The following PLEKHG3 variants were observed in gnomAD, a reference collection of about 807,000 sequenced individuals.
PLEKHG3 encodes pleckstrin homology domain-containing family G member 3.
In PLEKHG3, 62 loss-of-function variants were observed where a neutral mutation model predicts 94.9. The ratio of observed to expected loss-of-function variants is 0.65; its 90% CI spans 0.53 to 0.81. The LOEUF (loss-of-function observed/expected upper bound fraction) is 0.81, where lower values mean the gene tolerates loss of function less well. Ranked by LOEUF, PLEKHG3 falls within the 30% of genes least tolerant of loss-of-function variation. PLEKHG3 has a pLI of 0.00. For missense variants in PLEKHG3, 1,461 were observed against 1,619.3 expected, an observed-to-expected ratio of 0.90 and a Z score of 1.68; for synonymous variants, 614 against 654.0, an observed-to-expected ratio of 0.94 and a Z score of 0.93.
In PLEKHG3 at chr14:64,704,427, C is replaced by CCCTCGCTT. The variant is rs1486108795; in HGVS notation, c.-310_-309insTCCTCGCT. 3 of 164,410 alleles carry CCCTCGCTT rather than the reference C, an allele frequency of 1.8e-5. No individual in the cohort carries two copies. The highest frequency in any genetic ancestry group is 7.2e-5 in the African/African-American group (3 of 41,654). 10.2% of individuals were successfully genotyped at this position (164,410 alleles called of 1,614,324 possible). ...TCCCTCGCTCCCTCGCTCCCTCGCT[C>CCCTCGCTT]CCTCGCTCCCTCGCTCCCTCCTGCC... On this transcript the variant is annotated 5_prime_UTR_variant, in exon 1 of 17. Transcript: ENST00000247226. This position sits in a 1 kb window ranked among gnomAD's most constrained non-coding sequence, Gnocchi z 5.6.
chr14:64,738,260 T>A lies in PLEKHG3; in HGVS notation c.1405-482T>A. 8.0e-7 allele frequency: 1 copy of A among 1,252,060 alleles called. No individual in the cohort carries two copies. Among genetic ancestry groups the A allele is most frequent in the Non-Finnish European group, 1.0e-6 (1 of 957,290 alleles). The allele number at this position is 1,252,060 out of a possible 1,614,324, so 77.6% of individuals were successfully genotyped here. ...TCTTCGATCTCCCCTCCTCCTTGCA[T>A]GCTCCCTGGGATGTGCATGCCCACC... On this transcript the variant is annotated intron_variant, in intron 14 of 16. Transcript: ENST00000247226. This position sits in a 1 kb window ranked among gnomAD's most constrained non-coding sequence, Gnocchi z 4.8.
In PLEKHG3 at chr14:64,741,748, A is replaced by G. The variant is rs772771207; in HGVS notation, c.2231A>G (p.Tyr744Cys). The change falls in exon 16 of 17, where the codon TAC (tyrosine) becomes TGC (cysteine). Residue 744 changes from tyrosine (Y) to cysteine (C), a missense_variant. Tyr to Cys is a radical substitution (Grantham distance 194). Around this residue, in one of 3 missense-constraint regions of PLEKHG3, gnomAD observed 1,201 missense variants for 1,295.5 expected, o/e 0.93. Coordinates refer to ENST00000247226, the MANE Select transcript of PLEKHG3 (RefSeq NM_001308147.2). Reference sequence around the variant, plus strand: ...GTCCGTCGCCGGGAGAGCCTCTCCTACATCCCCAAAGGACTGGTAAGAAAC... The same window carrying G: ...GTCCGTCGCCGGGAGAGCCTCTCCTGCATCCCCAAAGGACTGGTAAGAAAC... ...FSVRRRESLS[Y>C]IPKGLVRNSI... 3 of 1,613,156 alleles carry G rather than the reference A, an allele frequency of 1.9e-6. No individual in the cohort carries two copies. The East Asian group carries it at 6.7e-5, about 36-fold the overall frequency.
intron 1 of PLEKHG3, among the ~76,000 whole-genome samples, chr14:64,710,959 T>C (rs1295486990): frequency 6.6e-6 from 1 of 152,162 alleles, no homozygotes; most frequent in Admixed American, 6.5e-5. Context: ...TTCCCTTGAC[T>C]CTGTTTAGGA....
At chr14:64,709,451 C>A (rs1420848405) in intron 1 of PLEKHG3, among the ~76,000 whole-genome samples, 1 of 152,194 alleles carries the variant, frequency 6.6e-6, no homozygotes, top group Non-Finnish European at 1.5e-5. Flanking sequence ...AGGACTTGCA[C>A]TCTCTTTCAT....
In PLEKHG3 at chr14:64,741,069, G is replaced by C. The variant is rs1338010396; in HGVS notation, c.1552G>C (p.Glu518Gln). The C allele has an allele frequency of 3.1e-6, 5 of 1,605,590 alleles. No homozygotes were observed. The East Asian group carries it at 9.0e-5, about 29-fold the overall frequency. ...EPDPEAGSEQ[E>Q]VFSAVEGPSA... Reference sequence around the variant, plus strand: ...GGACCCTGAGGCTGGGAGTGAGCAAGAGGTATTTTCTGCTGTGGAAGGGCC... The same window carrying C: ...GGACCCTGAGGCTGGGAGTGAGCAACAGGTATTTTCTGCTGTGGAAGGGCC... Residue 518 changes from glutamate (E) to glutamine (Q), a missense_variant, in exon 16 of 17, where the codon GAG becomes CAG. Coordinates refer to ENST00000247226, the MANE Select transcript of PLEKHG3 (RefSeq NM_001308147.2).
At chr14:64,735,268 C>G (rs7160627) in intron 12 of PLEKHG3, among the ~76,000 whole-genome samples, 5,552 of 152,192 alleles carry the variant, frequency 0.036, 347 homozygotes, top group African/African-American at 0.12. Context: ...TTTCATTGGT[C>G]TAAGTATGCT....
intron 1 of PLEKHG3, among the ~76,000 whole-genome samples, chr14:64,724,151 G>A (rs1044286901): frequency 6.6e-6 from 1 of 152,034 alleles, no homozygotes; most frequent in Admixed American, 6.5e-5. Context: ...CACTTTAACT[G>A]TCTCTGTGGG....
At position 64,728,932 on chromosome 14, in the gene PLEKHG3, G is replaced by A; in HGVS notation, c.352-64G>A. On this transcript the variant is annotated intron_variant, in intron 2 of 16. Coordinates refer to ENST00000247226, the MANE Select transcript of PLEKHG3 (RefSeq NM_001308147.2). This position sits in a 1 kb window ranked among gnomAD's most constrained non-coding sequence, Gnocchi z 5.9. ...TACAGCAGGGCCGAAACGAGGTGTG[G>A]CTAGGGAAGGTAGTGGGCAGGGTTG... The A allele has an allele frequency of 1.5e-6, 1 of 652,372 alleles. No individual in the cohort carries two copies. Among genetic ancestry groups the A allele is most frequent in the Non-Finnish European group, 2.7e-6 (1 of 363,864 alleles). The allele number at this position is 652,372 out of a possible 1,614,324, so 40.4% of individuals were successfully genotyped here. A position where few individuals can be genotyped will look rare whatever the true frequency, so the allele number is the denominator to read the frequency against.
At chr14:64,729,926 C>T (rs1394421168) in intron 3 of PLEKHG3, among the ~76,000 whole-genome samples, 1 of 152,218 alleles carries the variant, frequency 6.6e-6, no homozygotes. Context: ...CTTTAATCCT[C>T]TGCTTTTGTG....
chr14:64,732,937 C>G lies in PLEKHG3; in HGVS notation c.1345+36C>G. The stretch of plus-strand genomic sequence containing the variant: ...GGCTGTGGAGGCAGGAGGCCTCTCC[C>G]TCACACCCTTGCCCAGACTGGGGAC... On this transcript the variant is annotated intron_variant, in intron 12 of 16. Transcript: ENST00000247226. This position sits in a 1 kb window ranked among gnomAD's most constrained non-coding sequence, Gnocchi z 4.9. 6.0e-6 allele frequency: 8 copies of G among 1,326,244 alleles called. No individual in the cohort carries two copies. The highest frequency in any genetic ancestry group is 8.6e-6 in the Non-Finnish European group (8 of 934,004). 82.2% of individuals were successfully genotyped at this position (1,326,244 alleles called of 1,614,324 possible).
At position 64,715,995 on chromosome 14, in the gene PLEKHG3, C is replaced by G. The variant is rs931794306; in HGVS notation, c.-40+11291C>G. On this transcript the variant is annotated intron_variant, in intron 1 of 16. Coordinates refer to ENST00000247226, the MANE Select transcript of PLEKHG3 (RefSeq NM_001308147.2). This position sits in a 1 kb window ranked among gnomAD's most constrained non-coding sequence, Gnocchi z 4.4. ...GTGGCAGCTCGCTGCTCACCCCAAG[C>G]CTGTTAACTGCTAGGTTGCCGGTGC... 1.5e-4 allele frequency: 67 copies of G among 455,528 alleles called. No individual in the cohort carries two copies. The highest frequency in any genetic ancestry group is 1.2e-3 in the African/African-American group (62 of 50,176). 28.2% of individuals were successfully genotyped at this position (455,528 alleles called of 1,614,324 possible).
intron 12 of PLEKHG3, among the ~76,000 whole-genome samples, chr14:64,733,153 C>CT (rs1183766243): frequency 3.4e-5 from 5 of 147,434 alleles, no homozygotes; most frequent in African/African-American, 1.3e-4. Flanking sequence ...CTTTTCTTTT[C>CT]TTTTCTTTTT....
chr14:64,743,553 G>A lies in PLEKHG3; in HGVS notation c.3510G>A (p.Pro1170=), dbSNP rs774358730. The change falls in exon 17 of 17, where the codon CCG becomes CCA. Residue 1170 remains proline, a synonymous_variant. Coordinates refer to ENST00000247226, the MANE Select transcript of PLEKHG3 (RefSeq NM_001308147.2). This position sits in a 1 kb window ranked among gnomAD's most constrained non-coding sequence, Gnocchi z 7.2. ...GCAGTGGCCAGGGACCAAGCTCACC[G>A]GTGGCCCTGCTGGGGCAGGTTCAGG... ...EESSGQGPSS[P]VALLGQVQDF... is the part of the protein sequence containing the mutation. The A allele has an allele frequency of 1.9e-5, 31 of 1,612,810 alleles. No individual in the cohort carries two copies. Among genetic ancestry groups the A allele is most frequent in the African/African-American group, 1.2e-4 (9 of 74,926 alleles).
At position 64,732,069 on chromosome 14, in the gene PLEKHG3, G is replaced by T; in HGVS notation, c.1126-26G>T. ...TTCAGGCCTGTAATGATAACCACTG[G>T]GTCCCTTTCCCTTGGGTCCTCCCAG... On this transcript the variant is annotated intron_variant, in intron 9 of 16. Coordinates refer to ENST00000247226, the MANE Select transcript of PLEKHG3 (RefSeq NM_001308147.2). This position sits in a 1 kb window ranked among gnomAD's most constrained non-coding sequence, Gnocchi z 4.9. 1 of 1,534,916 alleles carries T rather than the reference G, an allele frequency of 6.5e-7. No homozygotes were observed. Among genetic ancestry groups the T allele is most frequent in the South Asian group, 1.1e-5 (1 of 89,464 alleles).
intron 3 of PLEKHG3, among the ~76,000 whole-genome samples, chr14:64,729,297 GGTTGTGTGCAT>G (rs2081412511): frequency 6.6e-6 from 1 of 152,172 alleles, no homozygotes; most frequent in African/African-American, 2.4e-5. Context: ...GGTAATTTGA[GGTTGTGTGCAT>G]GTTGGGTCCA....
chr14:64,740,521 T>A (rs2081664947), intron 15 of PLEKHG3, among the ~76,000 whole-genome samples: 1 of 152,216 alleles, frequency 6.6e-6, no homozygotes, highest in Admixed American at 6.5e-5. Context: ...TAGACCCTAA[T>A]CCACATGGGA....
chr14:64,716,459 C>CACACACACAACACACACACACACA lies in PLEKHG3; in HGVS notation c.-39-11127_-39-11126insCAACACACACACACACAACACACA, dbSNP rs1566693822. 5.5e-4 allele frequency among the ~76,000 whole-genome samples: 67 copies of CACACACACAACACACACACACACA among 121,436 alleles called. 1 individual carries two copies. The South Asian group carries it at 0.017, about 31-fold the overall frequency. 79.7% of individuals were successfully genotyped at this position (121,436 alleles called of 152,430 possible). A position where few individuals can be genotyped will look rare whatever the true frequency, so the allele number is the denominator to read the frequency against. Reference sequence around the variant, plus strand: ...CTACACACACACACACACACACACACACACACAACACACACACACACAACA... The same window carrying CACACACACAACACACACACACACA: ...CTACACACACACACACACACACACACACACACACAACACACACACACACAACACACAACACACACACACACAACA... On this transcript the variant is annotated intron_variant, in intron 1 of 16. Coordinates refer to ENST00000247226, the MANE Select transcript of PLEKHG3 (RefSeq NM_001308147.2). This position sits in a 1 kb window ranked among gnomAD's most constrained non-coding sequence, Gnocchi z 5.0.
In PLEKHG3 at chr14:64,731,606, CCTT is replaced by C; in HGVS notation, c.1032+67_1032+69del. 1.3e-6 allele frequency: 2 copies of C among 1,563,986 alleles called. No homozygotes were observed. The highest frequency in any genetic ancestry group is 1.1e-5 in the South Asian group (1 of 89,982). On this transcript the variant is annotated intron_variant, in intron 8 of 16. Transcript: ENST00000247226. This position sits in a 1 kb window ranked among gnomAD's most constrained non-coding sequence, Gnocchi z 6.1. ...CTCCTTCCCAAAGGATCTGGGCTCC[CCTT>C]CTTGTCTGCTTCTTGGGGCTCCAGC... is the stretch of plus-strand genomic sequence containing the variant.
intron 1 of PLEKHG3, among the ~76,000 whole-genome samples, chr14:64,707,578 A>G (rs561088680): frequency 2.6e-5 from 4 of 152,362 alleles, no homozygotes; most frequent in Admixed American, 1.3e-4. Context: ...AAACAGAAAT[A>G]AAAAATATGA....
Sources: allele counts gnomAD v4.1 joint callset (sites outside exome capture counted in the v4.1 genomes callset), GRCh38; gene constraint gnomAD v4.1.1; regional missense constraint gnomAD v4.1.1; non-coding constraint Gnocchi (gnomAD v3.1); transcripts MANE v1.5; gene names NCBI Gene and HGNC (gene_info 2026-07-23, HGNC 2026-07-21).